BRIP1: variants seen among roughly 807,000 people sequenced by gnomAD.
The protein encoded by BRIP1 is BRCA1 interacting DNA helicase 1.
Under a neutral mutation model 119.7 loss-of-function variants are expected in BRIP1, and 88 were observed. The ratio of observed to expected loss-of-function variants is 0.74; its 90% CI spans 0.62 to 0.88. The LOEUF (loss-of-function observed/expected upper bound fraction) is 0.88. BRIP1 is among the 40% of genes least tolerant of loss of function. The pLI is 0.00. For missense variants in BRIP1, 1,259 were observed against 1,455.4 expected, an observed-to-expected ratio of 0.87 and a Z score of 2.20; for synonymous variants, 443 against 496.5, an observed-to-expected ratio of 0.89 and a Z score of 1.43.
chr17:61,800,685 G>A (rs1240326798), intron 8 of BRIP1, among the ~76,000 whole-genome samples: 1 of 152,160 alleles, frequency 6.6e-6, no homozygotes. Flanking sequence ...AACCAAATAA[G>A]AGGTAGGATA....
chr17:61,812,769 T>C (rs1200091461), intron 6 of BRIP1, among the ~76,000 whole-genome samples: 1 of 152,140 alleles, frequency 6.6e-6, no homozygotes, highest in Non-Finnish European at 1.5e-5. Flanking sequence ...TAATAAATTA[T>C]ATTCCCTCTC....
rs1488780172 is a variant in BRIP1 at position 61,842,475 on chromosome 17, G to A, written c.627+4626C>T. Reference sequence around the variant, plus strand: ...TTCGCAACACAAAGAAATGACAAATGTTTGAGGCGATGGATATGTTAATTA... The same window carrying A: ...TTCGCAACACAAAGAAATGACAAATATTTGAGGCGATGGATATGTTAATTA... On this transcript the variant is annotated intron_variant, in intron 6 of 19. Transcript: ENST00000259008. This position sits in a 1 kb window ranked among gnomAD's most constrained non-coding sequence, Gnocchi z 5.1. Among the ~76,000 whole-genome samples the A allele has an allele frequency of 2.0e-5, 3 of 152,128 alleles. No individual in the cohort carries two copies. Among genetic ancestry groups the A allele is most frequent in the African/African-American group, 2.4e-5 (1 of 41,418 alleles).
rs2061592610 is a variant in BRIP1 at position 61,700,193 on chromosome 17, A to C, written c.2493-6681T>G. ...CAGATTTACAATTATTGTTTTATGC[A>C]GTTGCTCTTTTAAAAAATCAAGAGT... is the stretch of plus-strand genomic sequence containing the variant. On this transcript the variant is annotated intron_variant, in intron 17 of 19. Coordinates refer to ENST00000259008, the MANE Select transcript of BRIP1 (RefSeq NM_032043.3). The surrounding 1 kb of genome is among the most constrained non-coding windows in gnomAD (Gnocchi z 4.1). 6.6e-6 allele frequency among the ~76,000 whole-genome samples: 1 copy of C among 152,212 alleles called. No homozygotes were observed.
chr17:61,709,407 A>C lies in BRIP1; in HGVS notation c.2492+6544T>G, dbSNP rs2061739655. ...GTTCAATTTTTCTACAAAGACAAAA[A>C]AAATCTAAATTTTATAGGGCATTAT... On this transcript the variant is annotated intron_variant, in intron 17 of 19. Transcript: ENST00000259008. The surrounding 1 kb of genome is among the most constrained non-coding windows in gnomAD (Gnocchi z 5.0). Among the ~76,000 whole-genome samples the C allele has an allele frequency of 6.6e-6, 1 of 152,182 alleles. No homozygotes were observed. Among genetic ancestry groups the C allele is most frequent in the Non-Finnish European group, 1.5e-5 (1 of 68,038 alleles).
intron 17 of BRIP1, among the ~76,000 whole-genome samples, chr17:61,715,550 A>G (rs1309420062): frequency 6.6e-6 from 1 of 152,180 alleles, no homozygotes; most frequent in Non-Finnish European, 1.5e-5. Context: ...ACTGGCTGGT[A>G]TATCAATTTT....
chr17:61,840,355 CAA>C (rs11334899), intron 6 of BRIP1, among the ~76,000 whole-genome samples: 31 of 105,064 alleles, frequency 3.0e-4, no homozygotes, highest in Admixed American at 6.6e-4. Flanking sequence ...GACTCCGTCT[CAA>C]AAAAAAAAAA....
At chr17:61,797,461 T>C (rs917702357) in intron 9 of BRIP1, among the ~76,000 whole-genome samples, 1 of 151,988 alleles carries the variant, frequency 6.6e-6, no homozygotes, top group African/African-American at 2.4e-5. Context: ...TAGAGATCAC[T>C]AGTGATCTTG....
chr17:61,750,988 ACC>A (rs928782344), intron 14 of BRIP1, among the ~76,000 whole-genome samples: 2 of 152,192 alleles, frequency 1.3e-5, no homozygotes, highest in African/African-American at 4.8e-5. Context: ...TAAGTATATA[ACC>A]CCAAATATCT....
At position 61,789,052 on chromosome 17, in the gene BRIP1, A is replaced by G. The variant is rs937900720; in HGVS notation, c.1473+4545T>C. On this transcript the variant is annotated intron_variant, in intron 10 of 19. Coordinates refer to ENST00000259008, the MANE Select transcript of BRIP1 (RefSeq NM_032043.3). This position sits in a 1 kb window ranked among gnomAD's most constrained non-coding sequence, Gnocchi z 4.8. Reference sequence around the variant, plus strand: ...GGAGGTTGCAGTGGGCTGAGATCACACCACTGCACTCCAGCCTGGTTAACA... The same window carrying G: ...GGAGGTTGCAGTGGGCTGAGATCACGCCACTGCACTCCAGCCTGGTTAACA... Among the ~76,000 whole-genome samples the G allele has an allele frequency of 1.4e-4, 21 of 152,098 alleles. No homozygotes were observed. The highest frequency in any genetic ancestry group is 2.5e-4 in the Non-Finnish European group (17 of 67,954).
chr17:61,744,688 ATCTC>A lies in BRIP1; in HGVS notation c.2098-101_2098-98del. On this transcript the variant is annotated intron_variant, in intron 14 of 19. Coordinates refer to ENST00000259008, the MANE Select transcript of BRIP1 (RefSeq NM_032043.3). This position sits in a 1 kb window ranked among gnomAD's most constrained non-coding sequence, Gnocchi z 5.0. The stretch of plus-strand genomic sequence containing the variant: ...CAATGTGACTACGGCAAGTATATTA[ATCTC>A]TCTGTGTCTTTTCTCATTTATAAAA... The A allele has an allele frequency of 1.9e-6, 2 of 1,045,268 alleles. No homozygotes were observed. Among genetic ancestry groups the A allele is most frequent in the Non-Finnish European group, 1.5e-6 (1 of 670,872 alleles). 64.7% of individuals were successfully genotyped at this position (1,045,268 alleles called of 1,614,324 possible). A position where few individuals can be genotyped will look rare whatever the true frequency, so the allele number is the denominator to read the frequency against.
chr17:61,751,472 A>G lies in BRIP1; in HGVS notation c.2098-6881T>C, dbSNP rs140468238. On this transcript the variant is annotated intron_variant, in intron 14 of 19. Coordinates refer to ENST00000259008, the MANE Select transcript of BRIP1 (RefSeq NM_032043.3). The surrounding 1 kb of genome is among the most constrained non-coding windows in gnomAD (Gnocchi z 6.7). ...TAAGTTGTACACTTAAAAATGCTTA[A>G]AAGGTAAATTTTATGTCATGTGTAT... is the stretch of plus-strand genomic sequence containing the variant. Among the ~76,000 whole-genome samples the G allele has an allele frequency of 5.3e-3, 813 of 152,326 alleles. 7 individuals carry two copies. The highest frequency in any genetic ancestry group is 0.018 in the African/African-American group (737 of 41,568).
At position 61,725,341 on chromosome 17, in the gene BRIP1, TA is replaced by T. The variant is rs1284787238; in HGVS notation, c.2380-9279del. On this transcript the variant is annotated intron_variant, in intron 16 of 19. Transcript: ENST00000259008. This position sits in a 1 kb window ranked among gnomAD's most constrained non-coding sequence, Gnocchi z 5.3. ...CATAGTAACAGCAATATATTTCACA[TA>T]TGCTTTAAGACTGTTTTGGATAAGG... Among the ~76,000 whole-genome samples the T allele has an allele frequency of 1.3e-5, 2 of 152,232 alleles. No individual in the cohort carries two copies. Among genetic ancestry groups the T allele is most frequent in the Non-Finnish European group, 2.9e-5 (2 of 68,032 alleles).
intron 10 of BRIP1, among the ~76,000 whole-genome samples, chr17:61,787,243 A>T (rs1479804363): frequency 9.7e-5 from 5 of 51,540 alleles, no homozygotes. Flanking sequence ...AATATATAAA[A>T]ATATATTATA....
chr17:61,848,168 TTTTATGTTTTTA>T lies in BRIP1; in HGVS notation c.507+949_508-949del, dbSNP rs2078762515. 6.9e-6 allele frequency among the ~76,000 whole-genome samples: 1 copy of T among 144,888 alleles called. No individual in the cohort carries two copies. The highest frequency in any genetic ancestry group is 7.4e-5 in the Admixed American group (1 of 13,544). ...AACATCCTAATTAATAATTTTTTTA[TTTTATGTTTTTA>T]TTTATTTATTTTTTAGAGACAGGGT... is the stretch of plus-strand genomic sequence containing the variant. On this transcript the variant is annotated intron_variant, in intron 5 of 19. Transcript: ENST00000259008. This position sits in a 1 kb window ranked among gnomAD's most constrained non-coding sequence, Gnocchi z 4.3.
chr17:61,771,839 G>A (rs1299680493), intron 14 of BRIP1, among the ~76,000 whole-genome samples: 3 of 151,946 alleles, frequency 2.0e-5, no homozygotes, highest in Non-Finnish European at 4.4e-5. Context: ...GCGGACACCT[G>A]TAATCCCAGC....
chr17:61,847,138 G>A lies in BRIP1; in HGVS notation c.590C>T (p.Ser197Phe), dbSNP rs533184563. The A allele has an allele frequency of 3.9e-5, 63 of 1,613,634 alleles. No individual in the cohort carries two copies. Among genetic ancestry groups the A allele is most frequent in the Non-Finnish European group, 5.0e-5 (59 of 1,179,730 alleles). Residue 197 changes from serine to phenylalanine, a missense_variant, in exon 6 of 20, where the codon TCT becomes TTT. Coordinates refer to ENST00000259008, the MANE Select transcript of BRIP1 (RefSeq NM_032043.3). ...VDSGKTVKLNSPLEKINSFSP... is the reference protein window; with the variant it reads ...VDSGKTVKLNFPLEKINSFSP... Reference sequence around the variant, plus strand: ...AAAGGAGTTTATCTTTTCCAGTGGAGAGTTGAGTTTTACAGTCTTTCCTGA... The same window carrying A: ...AAAGGAGTTTATCTTTTCCAGTGGAAAGTTGAGTTTTACAGTCTTTCCTGA...
rs1001361246 is a variant in BRIP1 at position 61,735,774 on chromosome 17, C to T, written c.2379+7239G>A. Among the ~76,000 whole-genome samples the T allele has an allele frequency of 6.6e-6, 1 of 151,958 alleles. No homozygotes were observed. Among genetic ancestry groups the T allele is most frequent in the Admixed American group, 6.6e-5 (1 of 15,256 alleles). On this transcript the variant is annotated intron_variant, in intron 16 of 19. Transcript: ENST00000259008. This position sits in a 1 kb window ranked among gnomAD's most constrained non-coding sequence, Gnocchi z 4.4. ...CATGACCGCACCACTGCACTCTAGCCTGGGCAATGGAGTGAGACCCTGTTT... is the reference window on the plus strand; with the variant it reads ...CATGACCGCACCACTGCACTCTAGCTTGGGCAATGGAGTGAGACCCTGTTT...
chr17:61,795,330 C>A lies in BRIP1; in HGVS notation c.1341-1601G>T, dbSNP rs536087729. On this transcript the variant is annotated intron_variant, in intron 9 of 19. Transcript: ENST00000259008. This position sits in a 1 kb window ranked among gnomAD's most constrained non-coding sequence, Gnocchi z 5.6. Reference sequence around the variant, plus strand: ...ACTGTTGTGCTATCAAATACTAGGCCTTATTCATTCATTCTATTTTTCTTT... The same window carrying A: ...ACTGTTGTGCTATCAAATACTAGGCATTATTCATTCATTCTATTTTTCTTT... 3.0e-4 allele frequency among the ~76,000 whole-genome samples: 46 copies of A among 151,936 alleles called. No individual in the cohort carries two copies. Among genetic ancestry groups the A allele is most frequent in the African/African-American group, 1.1e-3 (45 of 41,498 alleles).
rs2078816975 is a variant in BRIP1, at chr17:61,851,189, C to A, written c.380-1933G>T. Among the ~76,000 whole-genome samples, 1 of 151,494 alleles carries A rather than the reference C, an allele frequency of 6.6e-6. No individual in the cohort carries two copies. Among genetic ancestry groups the A allele is most frequent in the Non-Finnish European group, 1.5e-5 (1 of 67,812 alleles). On this transcript the variant is annotated intron_variant, in intron 4 of 19. Coordinates refer to ENST00000259008, the MANE Select transcript of BRIP1 (RefSeq NM_032043.3). The surrounding 1 kb of genome is among the most constrained non-coding windows in gnomAD (Gnocchi z 4.6). ...GTTGCAGTGAGCCAAGATCGCACCA[C>A]TGCACTCCAGCCTAGGTGACAGAAC...
Sources: gnomAD v4.1 joint callset for allele counts (sites outside exome capture counted in the v4.1 genomes callset) on GRCh38, gnomAD v4.1.1 for gene constraint, Gnocchi (gnomAD v3.1) non-coding constraint, MANE v1.5 for transcripts, NCBI Gene and HGNC (gene_info 2026-07-23, HGNC 2026-07-21) for gene names.